The following SBF2 variants were observed in gnomAD, a reference collection of about 807,000 sequenced individuals.
SBF2 encodes the protein SET binding factor 2, also known as myotubularin-related protein 13.
A neutral mutation model predicts 225.2 loss-of-function variants in SBF2; 112 were observed. That is an observed-to-expected ratio of 0.50 (90% CI 0.43 to 0.58). The LOEUF (loss-of-function observed/expected upper bound fraction) is 0.58. SBF2 is among the 20% of genes least tolerant of loss of function. The pLI, the probability that SBF2 is intolerant of heterozygous loss-of-function variation, is 0.00. For synonymous variants in SBF2, 763 were observed against 773.3 expected, an observed-to-expected ratio of 0.99 and a Z score of 0.22; for missense variants, 1,996 against 2,206.2, an observed-to-expected ratio of 0.90 and a Z score of 1.91.
chr11:9,812,568 G>A lies in SBF2; in HGVS notation c.4119C>T (p.Phe1373=), dbSNP rs772473795. Residue 1373 remains phenylalanine (F), a synonymous_variant, in exon 30 of 40, where the codon TTC becomes TTT. Transcript: ENST00000256190. ...ACTCAGAATCTCCCAGCGCTTTCAG[G>A]AAGGTCACTTCTGAGTCAGTAGGGA... The part of the protein sequence containing the change: ...STIPTDSEVT[F]LKALGDSEWF... 11 of 1,614,194 alleles carry A rather than the reference G, an allele frequency of 6.8e-6. No individual in the cohort carries two copies. The highest frequency in any genetic ancestry group is 4.4e-5 in the South Asian group (4 of 91,080).
At chr11:10,205,996 A>G (rs1260286599) in intron 1 of SBF2, among the ~76,000 whole-genome samples, 2 of 151,944 alleles carry the variant, frequency 1.3e-5, no homozygotes, top group Admixed American at 6.5e-5. Flanking sequence ...ACTCCACTGT[A>G]ACAAGCAGTC....
chr11:10,286,332 A>G (rs10743133), intron 1 of SBF2, among the ~76,000 whole-genome samples: 73,479 of 149,846 alleles, frequency 0.49, 18,427 homozygotes, highest in Non-Finnish European at 0.54. Flanking sequence ...ATAAAGCTAG[A>G]GGAAGTTTTT....
intron 6 of SBF2, among the ~76,000 whole-genome samples, chr11:10,006,841 A>T (rs914037170): frequency 1.3e-5 from 2 of 152,200 alleles, no homozygotes; most frequent in African/African-American, 2.4e-5. Context: ...AGTTAGCTGA[A>T]AATCAAGCTT....
chr11:9,963,703 G>A, intron 15 of SBF2, 70 bp downstream of exon 15: 2 of 756,330 alleles, frequency 2.6e-6, no homozygotes, highest in Admixed American at 4.1e-5. Flanking sequence ...GAGAGAAGCT[G>A]GTAACCTCAG....
At chr11:10,228,000 G>C in intron 1 of SBF2, among the ~76,000 whole-genome samples, 1 of 151,088 alleles carries the variant, frequency 6.6e-6, no homozygotes, top group Admixed American at 6.6e-5. Flanking sequence ...ATTTCCTTGA[G>C]CAGTGGTTTG....
chr11:9,992,588 C>G (rs75298283), intron 11 of SBF2, 45 bp from the exon 12 acceptor site: 1 of 1,581,370 alleles, frequency 6.3e-7, no homozygotes. Context: ...CACTTGGTAA[C>G]GGACAAATGG....
At chr11:9,977,043 C>T (rs1488891985) in intron 13 of SBF2, among the ~76,000 whole-genome samples, 1 of 152,134 alleles carries the variant, frequency 6.6e-6, no homozygotes, top group Non-Finnish European at 1.5e-5. Flanking sequence ...CAAGCGTGAG[C>T]CACCGCACCC....
At chr11:9,808,844 A>G in intron 31 of SBF2, 57 bp downstream of exon 31, 1 of 1,303,160 alleles carries the variant, frequency 7.7e-7, no homozygotes, top group Non-Finnish European at 1.1e-6. Flanking sequence ...AAGAATTTAA[A>G]AATGACCAAA....
chr11:9,959,670 T>C (rs554551484), intron 16 of SBF2: 43 of 741,796 alleles, frequency 5.8e-5, no homozygotes, highest in East Asian at 5.3e-4. Flanking sequence ...TGCAGCGCAG[T>C]CTTGCTTGAG....
At chr11:9,886,699 GT>G (rs61240594) in intron 17 of SBF2, among the ~76,000 whole-genome samples, 5 of 133,754 alleles carry the variant, frequency 3.7e-5, no homozygotes, top group South Asian at 2.3e-4. Flanking sequence ...TGATTCATGT[GT>G]TTTTTTTTTG....
chr11:10,229,244 T>C (rs189037832), intron 1 of SBF2, among the ~76,000 whole-genome samples: 2 of 152,290 alleles, frequency 1.3e-5, no homozygotes, highest in Admixed American at 1.3e-4. Flanking sequence ...TCTATCAATT[T>C]TGTTGATCTT....
At chr11:10,286,885 C>T (rs1963832243) in intron 1 of SBF2, among the ~76,000 whole-genome samples, 1 of 152,230 alleles carries the variant, frequency 6.6e-6, no homozygotes, top group South Asian at 2.1e-4. Flanking sequence ...TATGACCTAG[C>T]AATTCTTCTC....
At chr11:10,171,635 A>G (rs1956191897) in intron 2 of SBF2, among the ~76,000 whole-genome samples, 1 of 152,186 alleles carries the variant, frequency 6.6e-6, no homozygotes, top group Non-Finnish European at 1.5e-5. Context: ...TTGGCATCAT[A>G]GTAATACTAG....
intron 2 of SBF2, among the ~76,000 whole-genome samples, chr11:10,098,870 G>C (rs1438126162): frequency 6.6e-6 from 1 of 151,820 alleles, no homozygotes; most frequent in Admixed American, 6.6e-5. Context: ...AAAAAAGAAT[G>C]AAAAAGAGTG....
intron 16 of SBF2, among the ~76,000 whole-genome samples, chr11:9,934,888 A>C (rs1864772659): frequency 6.6e-6 from 1 of 152,220 alleles, no homozygotes; most frequent in Admixed American, 6.5e-5. Context: ...CCCTTTGAAA[A>C]CTGGCACAAG....
chr11:10,006,231 C>G (rs543858365), intron 6 of SBF2, among the ~76,000 whole-genome samples: 3 of 152,314 alleles, frequency 2.0e-5, no homozygotes, highest in African/African-American at 7.2e-5. Context: ...TTTGTACACC[C>G]TCAGCTCTTG....
rs145443518 is a variant in SBF2, at chr11:9,994,774, C to T, written c.976-776G>A. Among the ~76,000 whole-genome samples the T allele has an allele frequency of 7.5e-4, 114 of 152,066 alleles. 2 individuals carry two copies. The highest frequency in any genetic ancestry group is 2.6e-3 in the African/African-American group (108 of 41,496). On this transcript the variant is annotated intron_variant, in intron 9 of 39. Transcript: ENST00000256190. ...AGGAGAGGCCAGGTGCAGTGGCTCA[C>T]GCCTGTAATCCCAACACTTTGGGAG...
intron 16 of SBF2, among the ~76,000 whole-genome samples, chr11:9,954,977 C>T (rs1866067209): frequency 6.6e-6 from 1 of 152,036 alleles, no homozygotes; most frequent in Non-Finnish European, 1.5e-5. Context: ...TCTGTTAATT[C>T]TATTCCTTTA....
chr11:9,950,619 G>T (rs930703707), intron 16 of SBF2, among the ~76,000 whole-genome samples: 1 of 152,164 alleles, frequency 6.6e-6, no homozygotes, highest in African/African-American at 2.4e-5. Context: ...ATATTGACCA[G>T]CTGTATGTAA....
Sources: allele counts gnomAD v4.1 joint callset (sites outside exome capture counted in the v4.1 genomes callset), GRCh38; gene constraint gnomAD v4.1.1; transcripts MANE v1.5; gene names NCBI Gene and HGNC (gene_info 2026-07-23, HGNC 2026-07-21).